Variants in LAMA2 observed in about 807,000 individuals in gnomAD.
LAMA2 encodes laminin subunit alpha-2.
Under a neutral mutation model 364.8 loss-of-function variants are expected in LAMA2, and 269 were observed. The observed-to-expected ratio is 0.74, with a 90% confidence interval of 0.67 to 0.82. The LOEUF (loss-of-function observed/expected upper bound fraction) is 0.82, where lower values mean the gene tolerates loss of function less well. Ranked by LOEUF, LAMA2 falls within the 40% of genes least tolerant of loss-of-function variation. The pLI, the probability that LAMA2 is intolerant of heterozygous loss-of-function variation, is 0.00. For missense variants in LAMA2, 3,807 were observed against 3,873.2 expected, an observed-to-expected ratio of 0.98 and a Z score of 0.45; for synonymous variants, 1,379 against 1,370.6, an observed-to-expected ratio of 1.01 and a Z score of -0.14.
Position 129,270,717 on chromosome 6 carries a change from C to A in LAMA2, c.2416C>A (p.Pro806Thr), listed in dbSNP as rs1249384455. 6.2e-7 allele frequency: 1 copy of A among 1,613,234 alleles called. No homozygotes were observed. Among genetic ancestry groups the A allele is most frequent in the Admixed American group, 1.7e-5 (1 of 59,886 alleles). ...PTKGTSEDCQPCACPLNIPSN... is the reference protein window; with the variant it reads ...PTKGTSEDCQTCACPLNIPSN... ...TAAAGGAACCTCTGAAGACTGTCAA[C>A]CCTGTGCCTGTCCACTCAATATCCC... The change falls in exon 17 of 65, where the codon CCC becomes ACC. Residue 806 changes from proline to threonine, a missense_variant. Physicochemically the swap from Pro to Thr is conservative, Grantham distance 38. Transcript: ENST00000421865.
intron 28 of LAMA2, among the ~76,000 whole-genome samples, chr6:129,324,754 A>G (rs1454099273): frequency 6.6e-6 from 1 of 152,222 alleles, no homozygotes; most frequent in East Asian, 1.9e-4. Context: ...ATATCTAAAC[A>G]TATTTAAACA....
intron 10 of LAMA2, among the ~76,000 whole-genome samples, chr6:129,186,009 G>A (rs949364767): frequency 1.3e-5 from 2 of 151,510 alleles, no homozygotes; most frequent in Non-Finnish European, 3.0e-5. Context: ...CATTAAATAC[G>A]CAAATTGAAA....
At chr6:129,249,611 T>G (rs1786028227) in intron 12 of LAMA2, among the ~76,000 whole-genome samples, 1 of 152,214 alleles carries the variant, frequency 6.6e-6, no homozygotes, top group Admixed American at 6.5e-5. Context: ...TGCTAACCTT[T>G]TGTTTTTCTT....
At chr6:129,512,272 T>C in intron 62 of LAMA2, 91 bp from the exon 63 acceptor site, 2 of 1,264,230 alleles carry the variant, frequency 1.6e-6, no homozygotes, top group Non-Finnish European at 1.1e-6. Flanking sequence ...GCATTTGAAT[T>C]GAAATATAAT....
intron 5 of LAMA2, among the ~76,000 whole-genome samples, chr6:129,145,462 T>C (rs1349800155): frequency 6.6e-6 from 1 of 152,056 alleles, no homozygotes; most frequent in Non-Finnish European, 1.5e-5. Context: ...TTCACTTGTT[T>C]AAGAAAACAT....
chr6:128,954,728 AC>A (rs1433150917), intron 1 of LAMA2, among the ~76,000 whole-genome samples: 1 of 151,950 alleles, frequency 6.6e-6, no homozygotes, highest in Non-Finnish European at 1.5e-5. Context: ...GGGTGAAAAA[AC>A]TACAAAATCA....
At chr6:129,496,236 G>A (rs563821391) in intron 58 of LAMA2, among the ~76,000 whole-genome samples, 24 of 152,148 alleles carry the variant, frequency 1.6e-4, no homozygotes, top group African/African-American at 2.7e-4. Flanking sequence ...TCACAATCTC[G>A]TCTCACTGCA....
intron 37 of LAMA2, among the ~76,000 whole-genome samples, chr6:129,394,618 C>G (rs1418957170): frequency 6.6e-6 from 1 of 152,184 alleles, no homozygotes; most frequent in East Asian, 1.9e-4. Context: ...GTCACAGGCT[C>G]CAGCATGATT....
At chr6:129,225,012 C>T (rs1031938980) in intron 12 of LAMA2, among the ~76,000 whole-genome samples, 1 of 152,118 alleles carries the variant, frequency 6.6e-6, no homozygotes, top group African/African-American at 2.4e-5. Flanking sequence ...AATTTCAGAG[C>T]CTGTTATTGG....
Position 129,082,370 on chromosome 6 carries a change from G to A in LAMA2, c.397-15803G>A, listed in dbSNP as rs185140723. The stretch of plus-strand genomic sequence containing the variant: ...AGATGTTATTCCCTGATTAAGAATA[G>A]TATAAATTGACAATCCAACCCCTCA... On this transcript the variant is annotated intron_variant, in intron 3 of 64. Transcript: ENST00000421865. Among the ~76,000 whole-genome samples, 31 of 152,126 alleles carry A rather than the reference G, an allele frequency of 2.0e-4. No individual in the cohort carries two copies. In the South Asian group the frequency reaches 2.3e-3, roughly 11 times the overall value.
chr6:129,247,074 G>T (rs1240281513), intron 12 of LAMA2, among the ~76,000 whole-genome samples: 1 of 152,040 alleles, frequency 6.6e-6, no homozygotes, highest in Non-Finnish European at 1.5e-5. Flanking sequence ...TAGAAGGAAA[G>T]AAATTTTAAA....
chr6:129,026,237 T>C (rs1249037655), intron 1 of LAMA2, among the ~76,000 whole-genome samples: 1 of 152,140 alleles, frequency 6.6e-6, no homozygotes, highest in African/African-American at 2.4e-5. Context: ...TTTGACAAGA[T>C]ATAAAAAATA....
At chr6:129,480,870 G>A (rs755536088) in intron 54 of LAMA2, among the ~76,000 whole-genome samples, 46 of 152,126 alleles carry the variant, frequency 3.0e-4, no homozygotes, top group African/African-American at 7.0e-4. Flanking sequence ...AGAGATATTC[G>A]TTACAGTGTT....
In LAMA2 at chr6:129,059,891, C is replaced by T. The variant is rs1562200866; in HGVS notation, c.391C>T (p.Gln131Ter). The change falls in exon 3 of 65, where the codon CAG (glutamine) becomes TAG (stop). Residue 131 changes from glutamine to a stop codon, truncating the protein, a stop_gained. Transcript: ENST00000421865. LOFTEE classifies it high-confidence loss of function. ...TTATGTGACAATTACCCTGGATTTA[C>T]AGCAGGTATAGTTCCTCTTTTTTTG... Reference protein sequence around the residue: ...YHYVTITLDLQQVFQIAYVIV... With the variant: ...YHYVTITLDL The T allele has an allele frequency of 4.0e-6, 6 of 1,502,174 alleles. No homozygotes were observed. Among genetic ancestry groups the T allele is most frequent in the Non-Finnish European group, 5.6e-6 (6 of 1,077,824 alleles). 93.1% of individuals were successfully genotyped at this position (1,502,174 alleles called of 1,614,324 possible). A position where few individuals can be genotyped will look rare whatever the true frequency, so the allele number is the denominator to read the frequency against.
At chr6:129,330,697 C>A (rs1002406220) in intron 29 of LAMA2, among the ~76,000 whole-genome samples, 1 of 149,200 alleles carries the variant, frequency 6.7e-6, no homozygotes, top group South Asian at 2.2e-4. Context: ...GATGCACACA[C>A]TTTTTTCTTG....
At chr6:129,442,129 T>C (rs1782147603) in intron 43 of LAMA2, 4 of 1,038,140 alleles carry the variant, frequency 3.9e-6, no homozygotes, top group Non-Finnish European at 4.0e-6. Context: ...ATTTGGAGTA[T>C]AAAAACAAAA....
In LAMA2 at chr6:129,280,041, C is replaced by T. The variant is rs1234685340; in HGVS notation, c.2451-20C>T. 1 of 1,561,724 alleles carries T rather than the reference C, an allele frequency of 6.4e-7. No individual in the cohort carries two copies. Among genetic ancestry groups the T allele is most frequent in the African/African-American group, 1.4e-5 (1 of 73,944 alleles). ...TGTCCTTCTTCCTTGTCCCTGTTTTCCGCAACAACATCAACATAGCTTTAG... is the reference window on the plus strand; with the variant it reads ...TGTCCTTCTTCCTTGTCCCTGTTTTTCGCAACAACATCAACATAGCTTTAG... On this transcript the variant is annotated intron_variant, in intron 17 of 64. Transcript: ENST00000421865.
intron 7 of LAMA2, among the ~76,000 whole-genome samples, chr6:129,151,681 G>C (rs1444086692): frequency 2.6e-5 from 4 of 152,128 alleles, no homozygotes; most frequent in Non-Finnish European, 5.9e-5. Context: ...CATGGTACAG[G>C]AGAGAGAGGA....
intron 22 of LAMA2, among the ~76,000 whole-genome samples, chr6:129,306,726 C>T (rs956295688): frequency 1.3e-5 from 2 of 151,880 alleles, no homozygotes; most frequent in Admixed American, 1.3e-4. Flanking sequence ...TTTTTTAATG[C>T]AGCCTAACCT....
Sources: gnomAD v4.1 joint callset for allele counts (sites outside exome capture counted in the v4.1 genomes callset) on GRCh38, gnomAD v4.1.1 for gene constraint, MANE v1.5 for transcripts, NCBI Gene and HGNC (gene_info 2026-07-23, HGNC 2026-07-21) for gene names.